Variants in KHDC1 observed in about 807,000 individuals in gnomAD.
KHDC1 encodes KH domain containing 1.
A neutral mutation model predicts 24.7 loss-of-function variants in KHDC1; 21 were observed. That is an observed-to-expected ratio of 0.85 (90% CI 0.60 to 1.23). The LOEUF is 1.23. Ranked by LOEUF, KHDC1 falls within the 50% of genes most tolerant of loss-of-function variation. The pLI, the probability that KHDC1 is intolerant of heterozygous loss-of-function variation, is 0.00. For synonymous variants in KHDC1, 98 were observed against 111.7 expected (o/e 0.88, Z 0.77); for missense variants, 274 against 298.5 (o/e 0.92, Z 0.61).
chr6:73,268,570 G>C (rs575619977), intron 2 of KHDC1: 1 of 152,136 alleles, frequency 6.6e-6, no homozygotes, highest in Non-Finnish European at 1.5e-5. Context: ...TGAATGGTGC[G>C]TTTACAATCC....
chr6:73,294,978 A>C (rs571079398), intron 1 of KHDC1, among the ~76,000 whole-genome samples: 1 of 152,172 alleles, frequency 6.6e-6, no homozygotes, highest in African/African-American at 2.4e-5. Flanking sequence ...ACATAGCAAA[A>C]CCCTGTCTCT....
intron 4 of KHDC1, 29 bp downstream of exon 3, chr6:73,242,025 TA>T: frequency 1.3e-6 from 2 of 1,589,186 alleles, no homozygotes; most frequent in Non-Finnish European, 1.7e-6. Flanking sequence ...CCACCAAGTC[TA>T]AAACCACAGT....
intron 2 of KHDC1, among the ~76,000 whole-genome samples, chr6:73,271,608 G>A (rs559879247): frequency 3.4e-4 from 52 of 151,612 alleles, no homozygotes; most frequent in African/African-American, 1.1e-3. Context: ...GAAGACTGAG[G>A]TTAGGCTGGG....
chr6:73,242,533 G>A lies in KHDC1; in HGVS notation c.207-3C>T, dbSNP rs867060341. 6.2e-7 allele frequency: 1 copy of A among 1,614,076 alleles called. No individual in the cohort carries two copies. The highest frequency in any genetic ancestry group is 8.5e-7 in the Non-Finnish European group (1 of 1,179,970). ...CCATGTCCATGCTCTGCTCCGACCT[G>A]ATACAGAATAGGGCCAAGTCCAAGC... On this transcript the variant is annotated splice_polypyrimidine_tract_variant and splice_region_variant and intron_variant, in intron 2 of 4. Coordinates refer to ENST00000370384, the Ensembl canonical transcript of KHDC1.
intron 2 of KHDC1, among the ~76,000 whole-genome samples, chr6:73,270,693 CTTTTT>C (rs796508631): frequency 1.4e-5 from 2 of 144,820 alleles, no homozygotes; most frequent in Non-Finnish European, 1.5e-5. Context: ...TCTATTTTTT[CTTTTT>C]TTTTTTTCTG....
chr6:73,272,029 C>T (rs1767188756), intron 2 of KHDC1, among the ~76,000 whole-genome samples: 1 of 151,028 alleles, frequency 6.6e-6, no homozygotes, highest in South Asian at 2.1e-4. Flanking sequence ...ACAAATTGTG[C>T]TTTTCTATGA....
In KHDC1 at chr6:73,308,070, ATTT is replaced by A. The variant is rs35521120; in HGVS notation, c.163+1479_163+1481del. ...GGCACCGCACCACCAGGCCCAGCTA[ATTT>A]TTTTTTTTTTTTTTTTTTTGAGACA... On this transcript the variant is annotated intron_variant, in intron 1 of 4. Coordinates refer to ENST00000370384, the Ensembl canonical transcript of KHDC1. Among the ~76,000 whole-genome samples the A allele has an allele frequency of 2.2e-3, 248 of 111,956 alleles. 2 individuals are homozygous for A. The highest frequency in any genetic ancestry group is 8.2e-3 in the African/African-American group (224 of 27,464). 73.4% of individuals were successfully genotyped at this position (111,956 alleles called of 152,430 possible).
chr6:73,253,270 A>G (rs1766813843), intron 2 of KHDC1, among the ~76,000 whole-genome samples: 1 of 152,140 alleles, frequency 6.6e-6, no homozygotes, highest in African/African-American at 2.4e-5. Flanking sequence ...TAAACAGGTT[A>G]ACCTGCCGGG....
exon 1 of KHDC1, chr6:73,309,818 G>C (rs1394730498): frequency 2.9e-6 from 4 of 1,375,232 alleles, no homozygotes; most frequent in Non-Finnish European, 2.9e-6. Context: ...AGACACCGAC[G>C]GAGAAGCGAA....
At chr6:73,266,325 C>T (rs1767078127) in intron 2 of KHDC1, among the ~76,000 whole-genome samples, 1 of 152,164 alleles carries the variant, frequency 6.6e-6, no homozygotes, top group African/African-American at 2.4e-5. Context: ...TTACTACATA[C>T]CACAGGTGTT....
At chr6:73,308,366 G>A (rs1437512790) in intron 1 of KHDC1, among the ~76,000 whole-genome samples, 1 of 151,626 alleles carries the variant, frequency 6.6e-6, no homozygotes, top group African/African-American at 2.4e-5. Context: ...GAGCCACCAC[G>A]CCCTGCTGCA....
chr6:73,253,887 C>G (rs1766829056), intron 2 of KHDC1, among the ~76,000 whole-genome samples: 1 of 152,120 alleles, frequency 6.6e-6, no homozygotes, highest in East Asian at 1.9e-4. Flanking sequence ...GCTTGGGTGG[C>G]AGAGTGAGGC....
chr6:73,299,691 G>A (rs1447318147), intron 1 of KHDC1: 1 of 153,310 alleles, frequency 6.5e-6, no homozygotes, highest in Non-Finnish European at 1.4e-5. Flanking sequence ...AGGACCCCTC[G>A]CGCTGTTGGA....
chr6:73,308,237 G>A (rs1768008621), intron 1 of KHDC1, among the ~76,000 whole-genome samples: 1 of 152,010 alleles, frequency 6.6e-6, no homozygotes, highest in Non-Finnish European at 1.5e-5. Flanking sequence ...ACCACGCCCG[G>A]CTAATTTTTT....
At chr6:73,269,852 C>G (rs1401743188) in intron 2 of KHDC1, 1 of 152,236 alleles carries the variant, frequency 6.6e-6, no homozygotes, top group East Asian at 1.9e-4. Flanking sequence ...ACTGCAGCCT[C>G]AAATTCCTGG....
chr6:73,273,241 CA>C, intron 2 of KHDC1, among the ~76,000 whole-genome samples: 1 of 151,540 alleles, frequency 6.6e-6, no homozygotes, highest in East Asian at 2.0e-4. Flanking sequence ...GATCTCGGCT[CA>C]CTGCAACCTT....
At chr6:73,256,828 C>A (rs1323679995) in intron 2 of KHDC1, among the ~76,000 whole-genome samples, 1 of 152,202 alleles carries the variant, frequency 6.6e-6, no homozygotes, top group Non-Finnish European at 1.5e-5. Flanking sequence ...TGGAACCCAA[C>A]TCTCCTCATG....
intron 2 of KHDC1, among the ~76,000 whole-genome samples, chr6:73,273,206 T>TCA (rs1767214513): frequency 1.5e-5 from 2 of 137,432 alleles, no homozygotes; most frequent in South Asian, 4.8e-4. Flanking sequence ...CTCTCTCTGT[T>TCA]GCCCAGGCTG....
intron 1 of KHDC1, among the ~76,000 whole-genome samples, chr6:73,305,562 G>A (rs999906382): frequency 6.6e-6 from 1 of 152,084 alleles, no homozygotes; most frequent in African/African-American, 2.4e-5. Context: ...TGGCACTTGA[G>A]CAAGCCCTCA....
Sources: gnomAD v4.1 joint callset for allele counts (sites outside exome capture counted in the v4.1 genomes callset) on GRCh38, gnomAD v4.1.1 for gene constraint, MANE v1.5 for transcripts, NCBI Gene and HGNC (gene_info 2026-07-23, HGNC 2026-07-21) for gene names.